The following CSMD1 variants were observed in gnomAD, a reference collection of about 807,000 sequenced individuals.
The protein encoded by CSMD1 is CUB and Sushi multiple domains 1.
Under a neutral mutation model 417.5 loss-of-function variants are expected in CSMD1, and 213 were observed. The observed-to-expected ratio is 0.51, with a 90% CI of 0.46 to 0.57. The LOEUF (loss-of-function observed/expected upper bound fraction) is 0.57, where lower values mean the gene tolerates loss of function less well. CSMD1 is among the 20% of genes least tolerant of loss of function. The pLI, the probability that CSMD1 is intolerant of heterozygous loss-of-function variation, is 0.00. For missense variants in CSMD1, 6,923 were observed against 4,529.7 expected, an observed-to-expected ratio of 1.53 and a Z score of -15.17; for synonymous variants, 2,862 against 1,736.8, an observed-to-expected ratio of 1.65 and a Z score of -16.11.
At chr8:4,567,879 T>C (rs1798690283) in intron 2 of CSMD1, among the ~76,000 whole-genome samples, 1 of 152,228 alleles carries the variant, frequency 6.6e-6, no homozygotes. Context: ...TAAGAATATT[T>C]AGTCTTTTCA....
At chr8:3,375,746 A>C (rs564015090) in intron 18 of CSMD1, among the ~76,000 whole-genome samples, 1 of 152,070 alleles carries the variant, frequency 6.6e-6, no homozygotes, top group Non-Finnish European at 1.5e-5. Flanking sequence ...TGGGGTCCTC[A>C]CAGTGTGATC....
intron 12 of CSMD1, among the ~76,000 whole-genome samples, chr8:3,467,424 C>G (rs1253587568): frequency 6.6e-6 from 1 of 152,196 alleles, no homozygotes; most frequent in African/African-American, 2.4e-5. Context: ...TGAATAACTG[C>G]ACAGTCACAT....
At chr8:3,878,981 T>C (rs13257055) in intron 5 of CSMD1, among the ~76,000 whole-genome samples, 23,968 of 152,080 alleles carry the variant, frequency 0.16, 2,162 homozygotes, top group African/African-American at 0.23. Flanking sequence ...TGCAAGCACT[T>C]CAAGCAAAAA....
chr8:4,141,853 C>A (rs954809252), intron 3 of CSMD1, among the ~76,000 whole-genome samples: 1 of 150,892 alleles, frequency 6.6e-6, no homozygotes, highest in Non-Finnish European at 1.5e-5. Context: ...CTAACAGTAC[C>A]ATTTAGATAT....
chr8:3,596,981 C>T (rs1193648589), intron 8 of CSMD1, among the ~76,000 whole-genome samples: 3 of 152,178 alleles, frequency 2.0e-5, no homozygotes, highest in Non-Finnish European at 4.4e-5. Flanking sequence ...TGCAATGGCT[C>T]ACTCTGTTTC....
chr8:3,961,848 A>G (rs1221810831), intron 5 of CSMD1, among the ~76,000 whole-genome samples: 3 of 152,138 alleles, frequency 2.0e-5, no homozygotes, highest in Non-Finnish European at 4.4e-5. Context: ...CATCATGAGG[A>G]AGAGATGTCC....
intron 64 of CSMD1, 135 bp downstream of exon 64, chr8:2,955,454 C>G: frequency 1.3e-6 from 1 of 745,056 alleles, no homozygotes; most frequent in South Asian, 1.9e-5. Flanking sequence ...ACATGAAGCA[C>G]GACTGAGGCA....
In CSMD1 at chr8:4,816,851, A is replaced by T. The variant is rs1799235848; in HGVS notation, c.85+177481T>A. Among the ~76,000 whole-genome samples the T allele has an allele frequency of 8.5e-5, 13 of 152,198 alleles. No individual in the cohort carries two copies. The South Asian group carries it at 2.7e-3, about 32-fold the overall frequency. ...GACTTGGCAATTAATGGTATACAGG[A>T]AGCAAGTCATATGGGGGTCTCAGAA... On this transcript the variant is annotated intron_variant, in intron 1 of 69. Coordinates refer to ENST00000635120, the MANE Select transcript of CSMD1 (RefSeq NM_033225.6).
chr8:3,927,428 G>T (rs765251491), intron 5 of CSMD1, among the ~76,000 whole-genome samples: 1 of 151,888 alleles, frequency 6.6e-6, no homozygotes, highest in South Asian at 2.1e-4. Context: ...ACACTTTGTG[G>T]TGCCGAGGCA....
Position 3,687,876 on chromosome 8 carries a change from G to A in CSMD1, c.1009+20538C>T, listed in dbSNP as rs182787291. ...CTCCACTCAGTGAGGACCAGAGTCC[G>A]TACTGATGACCTGGGGACAGAGCAG... On this transcript the variant is annotated intron_variant, in intron 7 of 69. Coordinates refer to ENST00000635120, the MANE Select transcript of CSMD1 (RefSeq NM_033225.6). Among the ~76,000 whole-genome samples, 7 of 152,318 alleles carry A rather than the reference G, an allele frequency of 4.6e-5. No homozygotes were observed. The East Asian group carries it at 5.8e-4, about 13-fold the overall frequency.
chr8:4,954,810 A>T (rs1176240009), intron 1 of CSMD1, among the ~76,000 whole-genome samples: 1 of 152,134 alleles, frequency 6.6e-6, no homozygotes, highest in Non-Finnish European at 1.5e-5. Context: ...TTAAGAAAAA[A>T]ATTCTCATTT....
At chr8:3,668,461 G>C (rs1042305651) in intron 7 of CSMD1, among the ~76,000 whole-genome samples, 4 of 152,260 alleles carry the variant, frequency 2.6e-5, no homozygotes, top group African/African-American at 4.8e-5. Context: ...CAGGTGGAGA[G>C]ATGATAGAGT....
intron 37 of CSMD1, among the ~76,000 whole-genome samples, chr8:3,164,101 G>C (rs1434804781): frequency 6.6e-6 from 1 of 152,174 alleles, no homozygotes; most frequent in Non-Finnish European, 1.5e-5. Flanking sequence ...CCCCAAATCT[G>C]AGAGGGCGAA....
intron 1 of CSMD1, among the ~76,000 whole-genome samples, chr8:4,797,784 C>G (rs565986864): frequency 6.6e-6 from 1 of 152,190 alleles, no homozygotes; most frequent in South Asian, 2.1e-4. Flanking sequence ...ACTAATCATT[C>G]AGAGAAATTT....
intron 10 of CSMD1, among the ~76,000 whole-genome samples, chr8:3,541,721 A>G (rs1049096338): frequency 6.8e-6 from 1 of 148,146 alleles, no homozygotes; most frequent in African/African-American, 2.5e-5. Flanking sequence ...TTTATCAACA[A>G]TTAAAAATTA....
At chr8:4,753,185 G>C (rs923227333) in intron 1 of CSMD1, among the ~76,000 whole-genome samples, 1 of 152,204 alleles carries the variant, frequency 6.6e-6, no homozygotes, top group East Asian at 1.9e-4. Context: ...AGGCAATGGA[G>C]ACAGGAGTAA....
rs550764770 is a variant in CSMD1, at chr8:3,719,123, T to C, written c.932-10632A>G. Among the ~76,000 whole-genome samples the C allele has an allele frequency of 3.9e-5, 6 of 152,298 alleles. No homozygotes were observed. In the East Asian group the frequency reaches 1.2e-3, roughly 29 times the overall value. ...CGCAAATTCCAAGAAAGATTTTGTGTCCTGTTCTATTAACTCGTTCTTCTT... is the reference window on the plus strand; with the variant it reads ...CGCAAATTCCAAGAAAGATTTTGTGCCCTGTTCTATTAACTCGTTCTTCTT... On this transcript the variant is annotated intron_variant, in intron 6 of 69. Transcript: ENST00000635120.
chr8:4,812,224 G>C (rs1411540412), intron 1 of CSMD1, among the ~76,000 whole-genome samples: 1 of 152,184 alleles, frequency 6.6e-6, no homozygotes, highest in Non-Finnish European at 1.5e-5. Flanking sequence ...CTCTAAGTGA[G>C]ACACAACCAG....
chr8:4,692,625 G>C (rs77483726), intron 1 of CSMD1, among the ~76,000 whole-genome samples: 2,138 of 152,276 alleles, frequency 0.014, 32 homozygotes, highest in African/African-American at 0.038. Context: ...TGTGGGGTCC[G>C]TGAGGCTGCA....
Sources: gnomAD v4.1 joint callset for allele counts (sites outside exome capture counted in the v4.1 genomes callset) on GRCh38, gnomAD v4.1.1 for gene constraint, MANE v1.5 for transcripts, NCBI Gene and HGNC (gene_info 2026-07-23, HGNC 2026-07-21) for gene names.